The following MAP6 variants were observed in gnomAD, a reference collection of about 807,000 sequenced individuals.
MAP6 encodes the protein microtubule-associated protein 6.
Under a neutral mutation model 42.4 loss-of-function variants are expected in MAP6, and 26 were observed. The ratio of observed to expected loss-of-function variants is 0.61; its 90% CI spans 0.45 to 0.85. MAP6 has a LOEUF of 0.85. Ranked by LOEUF, MAP6 falls within the 40% of genes least tolerant of loss-of-function variation. The probability of loss-of-function intolerance (pLI) is 0.00; values close to 1 mark genes in which losing one functional copy is unlikely to be tolerated. For missense variants in MAP6, 966 were observed against 1,099.0 expected (o/e 0.88, Z 1.71); for synonymous variants, 418 against 443.8 (o/e 0.94, Z 0.73).
At chr11:75,634,837 T>C (rs1943342780) in intron 1 of MAP6, among the ~76,000 whole-genome samples, 1 of 152,204 alleles carries the variant, frequency 6.6e-6, no homozygotes, top group African/African-American at 2.4e-5. Context: ...CTATTAAAAC[T>C]GTGTTTGTCA....
In MAP6 at chr11:75,605,854, T is replaced by C; in HGVS notation, c.1270A>G (p.Lys424Glu). Residue 424 changes from lysine (K) to glutamate (E), a missense_variant, in exon 3 of 4, where the codon AAG (lysine) becomes GAG (glutamate). Coordinates refer to ENST00000304771, the MANE Select transcript of MAP6 (RefSeq NM_033063.2). The stretch of plus-strand genomic sequence containing the variant: ...TTGTTCATCTCTTTGCTTTGCTCCT[T>C]GTCGTCTGGCTTGGTGGTACTCGGG... Reference protein sequence around the residue: ...EGPSTTKPDDKEQSKEMNNKL... With the variant: ...EGPSTTKPDDEEQSKEMNNKL... The C allele has an allele frequency of 1.9e-6, 3 of 1,614,210 alleles. No individual in the cohort carries two copies. Among genetic ancestry groups the C allele is most frequent in the Non-Finnish European group, 2.5e-6 (3 of 1,180,046 alleles).
chr11:75,609,972 G>C (rs1422113369), intron 1 of MAP6, among the ~76,000 whole-genome samples: 1 of 152,220 alleles, frequency 6.6e-6, no homozygotes, highest in East Asian at 1.9e-4. Context: ...TCCTGGATTA[G>C]TGTATTAATA....
intron 1 of MAP6, among the ~76,000 whole-genome samples, chr11:75,651,465 A>G (rs576547790): frequency 6.6e-6 from 1 of 152,284 alleles, no homozygotes; most frequent in Admixed American, 6.5e-5. Context: ...TTTGGGTGCT[A>G]GATCCTGGCA....
intron 3 of MAP6, chr11:75,596,665 C>G (rs1349211753): frequency 6.6e-6 from 1 of 152,438 alleles, no homozygotes; most frequent in Admixed American, 6.5e-5. Context: ...GCCAATCAGT[C>G]TACCAGCCCA....
chr11:75,622,259 T>C (rs1422961850), intron 1 of MAP6, among the ~76,000 whole-genome samples: 1 of 152,138 alleles, frequency 6.6e-6, no homozygotes, highest in Non-Finnish European at 1.5e-5. Context: ...TTTTTTAATT[T>C]AAAGAGACAA....
At chr11:75,665,726 C>T (rs577430879) in intron 1 of MAP6, among the ~76,000 whole-genome samples, 10 of 152,204 alleles carry the variant, frequency 6.6e-5, no homozygotes, top group South Asian at 2.1e-4. Flanking sequence ...TTTTGCTCCC[C>T]GCTTGGTAGC....
At chr11:75,599,822 C>T (rs1302636073) in intron 3 of MAP6, among the ~76,000 whole-genome samples, 2 of 152,216 alleles carry the variant, frequency 1.3e-5, no homozygotes, top group Non-Finnish European at 2.9e-5. Flanking sequence ...CTTTCTCCAT[C>T]TTCTAAGCCT....
chr11:75,642,987 T>G, intron 1 of MAP6: 1 of 375,154 alleles, frequency 2.7e-6, no homozygotes, highest in South Asian at 2.3e-5. Flanking sequence ...GTGAGTGACT[T>G]CCTTGCTAAA....
chr11:75,601,068 C>A (rs1942655586), intron 3 of MAP6, among the ~76,000 whole-genome samples: 2 of 152,178 alleles, frequency 1.3e-5, no homozygotes, highest in African/African-American at 4.8e-5. Context: ...ATGGTGGGAA[C>A]CACAGGCGGA....
intron 1 of MAP6, among the ~76,000 whole-genome samples, chr11:75,630,700 G>A (rs1306858516): frequency 6.6e-6 from 1 of 152,180 alleles, no homozygotes; most frequent in Non-Finnish European, 1.5e-5. Context: ...CCTGAACTGA[G>A]TTCCAGCTTC....
At chr11:75,626,228 A>T (rs1332675770) in intron 1 of MAP6, among the ~76,000 whole-genome samples, 1 of 152,222 alleles carries the variant, frequency 6.6e-6, no homozygotes, top group Non-Finnish European at 1.5e-5. Flanking sequence ...AGGCACTGAG[A>T]AAAGGCTTGC....
In MAP6 at chr11:75,587,506, G is replaced by A; in HGVS notation, c.1995C>T (p.Val665=). ...TAPIKNQGSM[V]SEPVKNQGLV... ...AACCTTGATTCTTTACAGGCTCAGAGACCATGGAACCTTGATTCTTTATGG... is the reference window on the plus strand; with the variant it reads ...AACCTTGATTCTTTACAGGCTCAGAAACCATGGAACCTTGATTCTTTATGG... The change falls in exon 4 of 4, where the codon GTC becomes GTT. Residue 665 remains valine, a synonymous_variant. Transcript: ENST00000304771. 6.2e-7 allele frequency: 1 copy of A among 1,614,146 alleles called. No individual in the cohort carries two copies. Among genetic ancestry groups the A allele is most frequent in the African/African-American group, 1.3e-5 (1 of 75,030 alleles).
intron 1 of MAP6, among the ~76,000 whole-genome samples, chr11:75,645,277 C>T (rs996731251): frequency 3.3e-5 from 5 of 151,902 alleles, no homozygotes; most frequent in African/African-American, 1.2e-4. Context: ...ACAAAGGTTG[C>T]CCCACGGTGT....
intron 1 of MAP6, among the ~76,000 whole-genome samples, chr11:75,612,111 T>C (rs1368308163): frequency 6.6e-6 from 1 of 152,240 alleles, no homozygotes; most frequent in East Asian, 1.9e-4. Flanking sequence ...AGCCCTGAGA[T>C]GCTAGACTGA....
At chr11:75,590,207 A>G (rs990795697) in intron 3 of MAP6, among the ~76,000 whole-genome samples, 17 of 152,208 alleles carry the variant, frequency 1.1e-4, no homozygotes, top group African/African-American at 4.1e-4. Flanking sequence ...GAAAAACCGA[A>G]TTCAGAACAG....
intron 1 of MAP6, among the ~76,000 whole-genome samples, chr11:75,620,495 AAAAGAAAG>A (rs1233623462): frequency 6.6e-6 from 1 of 151,662 alleles, no homozygotes; most frequent in Non-Finnish European, 1.5e-5. Flanking sequence ...AAAAAAAAAA[AAAAGAAAG>A]AAAGAAAAAA....
At chr11:75,610,557 G>A (rs576042007) in intron 1 of MAP6, among the ~76,000 whole-genome samples, 1 of 152,370 alleles carries the variant, frequency 6.6e-6, no homozygotes. Context: ...TGGAGGCCAT[G>A]CCAGCCATGT....
intron 3 of MAP6, among the ~76,000 whole-genome samples, chr11:75,591,998 G>A (rs764566991): frequency 1.4e-4 from 21 of 152,242 alleles, no homozygotes; most frequent in Admixed American, 3.3e-4. Flanking sequence ...ATGCTCATGC[G>A]TCTGTTGCCT....
rs764680729 is a variant in MAP6 at position 75,667,456 on chromosome 11, G to A, written c.905+9C>T. The stretch of plus-strand genomic sequence containing the variant: ...TGACTCCCCCGCGCTAGCAGCGGCC[G>A]CGTCTCACCTGTAGGAGCTGCTCAC... On this transcript the variant is annotated intron_variant, in intron 1 of 3. Transcript: ENST00000304771. This position sits in a 1 kb window ranked among gnomAD's most constrained non-coding sequence, Gnocchi z 5.6. 3.0e-5 allele frequency: 45 copies of A among 1,477,678 alleles called. No individual in the cohort carries two copies. Among genetic ancestry groups the A allele is most frequent in the Middle Eastern group, 2.4e-4 (1 of 4,214 alleles). 91.5% of individuals were successfully genotyped at this position (1,477,678 alleles called of 1,614,324 possible).
Sources: gnomAD v4.1 joint callset for allele counts (sites outside exome capture counted in the v4.1 genomes callset) on GRCh38, gnomAD v4.1.1 for gene constraint, Gnocchi (gnomAD v3.1) non-coding constraint, MANE v1.5 for transcripts, NCBI Gene and HGNC (gene_info 2026-07-23, HGNC 2026-07-21) for gene names.